The following PIEZO2 variants were observed in gnomAD, a reference collection of about 807,000 sequenced individuals.
The protein encoded by PIEZO2 is piezo type mechanosensitive ion channel component 2, also known as piezo-type mechanosensitive ion channel component 2.
Under a neutral mutation model 337.3 loss-of-function variants are expected in PIEZO2, and 172 were observed. The ratio of observed to expected loss-of-function variants is 0.51; its 90% CI spans 0.45 to 0.58. The LOEUF is 0.58. PIEZO2 is among the 20% of genes least tolerant of loss of function. The pLI, the probability that PIEZO2 is intolerant of heterozygous loss-of-function variation, is 0.00. For synonymous variants in PIEZO2, 1,251 were observed against 1,228.5 expected, an observed-to-expected ratio of 1.02 and a Z score of -0.38; for missense variants, 3,028 against 3,391.3, an observed-to-expected ratio of 0.89 and a Z score of 2.66.
At position 10,850,188 on chromosome 18, in the gene PIEZO2, GC is replaced by G; in HGVS notation, c.917+5164del. Among the ~76,000 whole-genome samples the G allele has an allele frequency of 1.3e-5, 2 of 152,270 alleles. No homozygotes were observed. The highest frequency in any genetic ancestry group is 3.4e-3 in the Middle Eastern group (1 of 294). On this transcript the variant is annotated intron_variant, in intron 7 of 55. Transcript: ENST00000674853. This position sits in a 1 kb window ranked among gnomAD's most constrained non-coding sequence, Gnocchi z 4.5. ...TCACCCTCTCCTGGATAAAAGTAAT[GC>G]AAAAACTCAACCACATGTGCAGATG...
At chr18:10,733,519 C>G (rs1160770829) in intron 35 of PIEZO2, among the ~76,000 whole-genome samples, 1 of 150,038 alleles carries the variant, frequency 6.7e-6, no homozygotes, top group Non-Finnish European at 1.5e-5. Flanking sequence ...GCGCCATCTC[C>G]GCTCACTGCA....
At chr18:11,061,250 G>T (rs1277683125) in intron 2 of PIEZO2, among the ~76,000 whole-genome samples, 1 of 151,048 alleles carries the variant, frequency 6.6e-6, no homozygotes, top group Non-Finnish European at 1.5e-5. Context: ...TTGATGGGAC[G>T]TATCTCAAAA....
intron 2 of PIEZO2, among the ~76,000 whole-genome samples, chr18:11,004,573 G>A (rs2035656250): frequency 1.3e-5 from 2 of 152,188 alleles, no homozygotes; most frequent in South Asian, 4.1e-4. Context: ...AACGGATAAG[G>A]AAGGGAGAAA....
intron 2 of PIEZO2, among the ~76,000 whole-genome samples, chr18:11,059,697 G>C (rs2037867289): frequency 1.3e-5 from 2 of 152,196 alleles, no homozygotes; most frequent in South Asian, 4.1e-4. Flanking sequence ...AATTCAACAA[G>C]AAGGGCTAAC....
Position 11,109,574 on chromosome 18 carries a change from C to T in PIEZO2, c.64+38951G>A, listed in dbSNP as rs1003919591. On this transcript the variant is annotated intron_variant, in intron 1 of 55. Coordinates refer to ENST00000674853, the MANE Select transcript of PIEZO2 (RefSeq NM_001378183.1). This position sits in a 1 kb window ranked among gnomAD's most constrained non-coding sequence, Gnocchi z 5.1. ...CTACTGAAAATACAAAAAAATTAGC[C>T]GGGCATGGTGGCATGCACCTGTAAT... Among the ~76,000 whole-genome samples the T allele has an allele frequency of 1.3e-5, 2 of 152,054 alleles. No individual in the cohort carries two copies. The highest frequency in any genetic ancestry group is 2.4e-5 in the African/African-American group (1 of 41,384).
At chr18:11,007,996 A>G (rs1598818716) in intron 2 of PIEZO2, among the ~76,000 whole-genome samples, 1 of 152,224 alleles carries the variant, frequency 6.6e-6, no homozygotes, top group Admixed American at 6.5e-5. Flanking sequence ...GCAGAGTCCT[A>G]CTGGCTTCCA....
intron 4 of PIEZO2, among the ~76,000 whole-genome samples, chr18:10,875,692 T>C (rs1282280776): frequency 6.6e-6 from 1 of 152,184 alleles, no homozygotes; most frequent in Admixed American, 6.5e-5. Flanking sequence ...CAGCTGCTTC[T>C]TACACCACAA....
chr18:10,730,767 C>T (rs553422951), intron 36 of PIEZO2, among the ~76,000 whole-genome samples: 3 of 152,298 alleles, frequency 2.0e-5, no homozygotes, highest in Admixed American at 6.5e-5. Context: ...CCCTCTGTCG[C>T]CCAGGCTGGA....
intron 3 of PIEZO2, among the ~76,000 whole-genome samples, chr18:10,922,037 G>C (rs923587841): frequency 6.6e-6 from 1 of 152,102 alleles, no homozygotes; most frequent in Non-Finnish European, 1.5e-5. Flanking sequence ...TTTTAATTTT[G>C]CCCCGGTCCT....
chr18:10,771,790 C>T (rs956512340), intron 20 of PIEZO2, among the ~76,000 whole-genome samples: 1 of 152,130 alleles, frequency 6.6e-6, no homozygotes, highest in Non-Finnish European at 1.5e-5. Flanking sequence ...TCATGCTGTC[C>T]CGCTCTGTCC....
rs774663462 is a variant in PIEZO2 at position 10,752,875 on chromosome 18, A to G, written c.3928T>C (p.Tyr1310His). Reference protein sequence around the residue: ...PVPDFIHCRSYLDMSKVIIFS... With the variant: ...PVPDFIHCRSHLDMSKVIIFS... ...ATGATCACTTTGGACATGTCTAAGT[A>G]AGATCTGGAAAACAAAGCCAGTGAC... The change falls in exon 28 of 56, where the codon TAC becomes CAC. Residue 1310 changes from tyrosine (Y) to histidine (H), a missense_variant. By Grantham distance (83) the Tyr-to-His change is moderately conservative. Transcript: ENST00000674853. The G allele has an allele frequency of 6.6e-7, 1 of 1,525,004 alleles. No homozygotes were observed. The highest frequency in any genetic ancestry group is 1.2e-5 in the South Asian group (1 of 82,600). The allele number at this position is 1,525,004 out of a possible 1,614,324, so 94.5% of individuals were successfully genotyped here.
chr18:10,863,522 A>C lies in PIEZO2; in HGVS notation c.493-6311T>G, dbSNP rs946577381. ...AAAGTTTAATAAAGAACAGGGAAGG[A>C]CAAACTGAATCAGCAGACAGTGGCC... On this transcript the variant is annotated intron_variant, in intron 5 of 55. Transcript: ENST00000674853. This position sits in a 1 kb window ranked among gnomAD's most constrained non-coding sequence, Gnocchi z 4.3. 2.0e-5 allele frequency among the ~76,000 whole-genome samples: 3 copies of C among 152,242 alleles called. No homozygotes were observed. The highest frequency in any genetic ancestry group is 7.2e-5 in the African/African-American group (3 of 41,466).
chr18:10,941,550 G>A (rs1230811945), intron 3 of PIEZO2, among the ~76,000 whole-genome samples: 1 of 152,144 alleles, frequency 6.6e-6, no homozygotes, highest in Non-Finnish European at 1.5e-5. Flanking sequence ...TTGCCTAGTA[G>A]AAGCAAACAC....
intron 39 of PIEZO2, 47 bp downstream of exon 39, chr18:10,714,717 T>C: frequency 6.6e-7 from 1 of 1,522,328 alleles, no homozygotes; most frequent in Non-Finnish European, 8.8e-7. Flanking sequence ...GACATCCACC[T>C]CATTTACCTT....
In PIEZO2 at chr18:10,895,689, G is replaced by T. The variant is rs959252118; in HGVS notation, c.329+15497C>A. ...GGAAATGGGGCGCTCCCTCTGACCT[G>T]CACATTTCATCTCTACCCAATGGAC... is the stretch of plus-strand genomic sequence containing the variant. On this transcript the variant is annotated intron_variant, in intron 4 of 55. Transcript: ENST00000674853. The surrounding 1 kb of genome is among the most constrained non-coding windows in gnomAD (Gnocchi z 4.8). Among the ~76,000 whole-genome samples, 1 of 152,112 alleles carries T rather than the reference G, an allele frequency of 6.6e-6. No homozygotes were observed. Among genetic ancestry groups the T allele is most frequent in the East Asian group, 1.9e-4 (1 of 5,178 alleles).
intron 3 of PIEZO2, among the ~76,000 whole-genome samples, chr18:10,965,929 C>CT (rs34047475): frequency 1.3e-5 from 2 of 152,080 alleles, no homozygotes. Context: ...GGATACTTGA[C>CT]TTTTTTTACC....
rs1460037311 is a variant in PIEZO2 at position 10,672,246 on chromosome 18, C to G, written c.8345+444G>C. Reference sequence around the variant, plus strand: ...CTTATGAGGCTAACTTTGAGAAATACAATATTTTACATTTGTGTCTTGTGG... The same window carrying G: ...CTTATGAGGCTAACTTTGAGAAATAGAATATTTTACATTTGTGTCTTGTGG... On this transcript the variant is annotated intron_variant, in intron 55 of 55. Transcript: ENST00000674853. This position sits in a 1 kb window ranked among gnomAD's most constrained non-coding sequence, Gnocchi z 4.7. 6.6e-6 allele frequency among the ~76,000 whole-genome samples: 1 copy of G among 152,030 alleles called. No individual in the cohort carries two copies. The highest frequency in any genetic ancestry group is 2.4e-5 in the African/African-American group (1 of 41,378).
At chr18:10,968,333 T>C (rs1394781334) in intron 3 of PIEZO2, among the ~76,000 whole-genome samples, 1 of 152,252 alleles carries the variant, frequency 6.6e-6, no homozygotes, top group Non-Finnish European at 1.5e-5. Context: ...ACCAGTACCA[T>C]GCTGTTTTGA....
rs1176695424 is a variant in PIEZO2, at chr18:10,744,135, T to A, written c.4514+7A>T. 1.3e-6 allele frequency: 2 copies of A among 1,522,920 alleles called. No homozygotes were observed. The highest frequency in any genetic ancestry group is 1.2e-5 in the South Asian group (1 of 83,720). 94.3% of individuals were successfully genotyped at this position (1,522,920 alleles called of 1,614,324 possible). A position where few individuals can be genotyped will look rare whatever the true frequency, so the allele number is the denominator to read the frequency against. On this transcript the variant is annotated splice_region_variant and intron_variant, in intron 31 of 55. Coordinates refer to ENST00000674853, the MANE Select transcript of PIEZO2 (RefSeq NM_001378183.1). ...GGAAGGAGGATGAGCATCAATAGCA[T>A]CCTTACTGTCGCTTCAGCTGGTCCA... is the stretch of plus-strand genomic sequence containing the variant.
Sources: allele counts gnomAD v4.1 joint callset (sites outside exome capture counted in the v4.1 genomes callset), GRCh38; gene constraint gnomAD v4.1.1; non-coding constraint Gnocchi (gnomAD v3.1); transcripts MANE v1.5; gene names NCBI Gene and HGNC (gene_info 2026-07-23, HGNC 2026-07-21).